The following SAMD12 variants were observed in gnomAD, a reference collection of about 807,000 sequenced individuals.
The protein encoded by SAMD12 is sterile alpha motif domain-containing protein 12.
SAMD12 carries 9 observed loss-of-function variants against 15.0 expected under a neutral mutation model. The observed-to-expected ratio is 0.60, with a 90% CI of 0.36 to 1.05. SAMD12 has a LOEUF of 1.05. SAMD12 is among the 50% of genes least tolerant of loss of function. The pLI is 0.01. For missense variants in SAMD12, 230 were observed against 234.2 expected (o/e 0.98, Z 0.12); for synonymous variants, 86 against 90.1 (o/e 0.96, Z 0.25).
At chr8:118,157,827 C>A in the SAMD12 span, among the ~76,000 whole-genome samples, 2 of 152,212 alleles carry the variant, frequency 1.3e-5, no homozygotes, top group African/African-American at 4.8e-5. Context: ...AACTTAAAAT[C>A]TCCTAAAACA....
chr8:118,284,340 A>G (rs1403410324), intron 4 of SAMD12: 3 of 456,280 alleles, frequency 6.6e-6, no homozygotes, highest in Non-Finnish European at 1.3e-5. Flanking sequence ...CTAACAATAT[A>G]ACAATATGCT....
chr8:118,206,769 TA>T (rs1315512697), intron 4 of SAMD12, among the ~76,000 whole-genome samples: 1 of 152,222 alleles, frequency 6.6e-6, no homozygotes, highest in Non-Finnish European at 1.5e-5. Context: ...TCTGATTCAG[TA>T]GATCTGGGAT....
chr8:118,332,107 G>A (rs1236557907), intron 4 of SAMD12, among the ~76,000 whole-genome samples: 1 of 152,106 alleles, frequency 6.6e-6, no homozygotes, highest in Non-Finnish European at 1.5e-5. Flanking sequence ...AAAAAAGGGG[G>A]ACAAAGGGAA....
intron 3 of SAMD12, among the ~76,000 whole-genome samples, chr8:118,411,570 C>T (rs575361123): frequency 6.6e-6 from 1 of 152,190 alleles, no homozygotes; most frequent in East Asian, 1.9e-4. Context: ...ATCTTAAGGG[C>T]ATTGTCCCAA....
intron 4 of SAMD12, among the ~76,000 whole-genome samples, chr8:118,257,627 T>C (rs190907835): frequency 1.3e-5 from 2 of 152,208 alleles, no homozygotes; most frequent in Admixed American, 6.5e-5. Context: ...TTAGCCTGCA[T>C]TCTGGGCCCA....
intron 4 of SAMD12, among the ~76,000 whole-genome samples, chr8:118,201,488 A>G (rs10955864): frequency 0.52 from 79,261 of 151,996 alleles, 21,941 homozygotes; most frequent in Non-Finnish European, 0.63. Flanking sequence ...CTTCAATTTA[A>G]TGTATCCATC....
chr8:118,135,220 C>T, the SAMD12 span, among the ~76,000 whole-genome samples: 5 of 152,158 alleles, frequency 3.3e-5, no homozygotes, highest in African/African-American at 1.2e-4. Context: ...CTTGCTCTAT[C>T]ACCCAGGCTA....
intron 4 of SAMD12, among the ~76,000 whole-genome samples, chr8:118,279,710 A>G (rs1813564128): frequency 6.6e-6 from 1 of 152,220 alleles, no homozygotes. Flanking sequence ...AGAGGAAATG[A>G]GTGAGAAGTC....
chr8:118,417,886 T>G (rs1283480154), intron 3 of SAMD12, among the ~76,000 whole-genome samples: 2 of 152,216 alleles, frequency 1.3e-5, no homozygotes, highest in African/African-American at 4.8e-5. Context: ...AGAATCTTAG[T>G]GTTAAAACAT....
intron 4 of SAMD12, among the ~76,000 whole-genome samples, chr8:118,288,546 A>G (rs1266070805): frequency 2.6e-5 from 4 of 152,270 alleles, no homozygotes; most frequent in African/African-American, 9.6e-5. Flanking sequence ...AACTACAATT[A>G]GTCCACAATA....
In SAMD12 at chr8:118,233,329, A is replaced by G. The variant is rs548020221; in HGVS notation, c.434-35597T>C. ...ATGTCCCACATGCAAGGCACTGACC[A>G]TGACAATTAGGTAGGTTTTTGGATA... On this transcript the variant is annotated intron_variant, in intron 4 of 4. Transcript: ENST00000409003. Among the ~76,000 whole-genome samples the G allele has an allele frequency of 2.6e-5, 4 of 152,292 alleles. No homozygotes were observed. In the South Asian group the frequency reaches 6.2e-4, roughly 24 times the overall value.
At chr8:118,347,526 G>T (rs76456768) in intron 4 of SAMD12, among the ~76,000 whole-genome samples, 2,093 of 152,300 alleles carry the variant, frequency 0.014, 28 homozygotes, top group Non-Finnish European at 0.021. Flanking sequence ...GGTGGGAAAA[G>T]TCTGGATACT....
chr8:118,186,272 G>T (rs1819241588), downstream of SAMD12, among the ~76,000 whole-genome samples: 1 of 152,278 alleles, frequency 6.6e-6, no homozygotes, highest in African/African-American at 2.4e-5. Flanking sequence ...TCCTTCCAGA[G>T]ATATTTTCAT....
chr8:118,208,211 T>A (rs1819921562), intron 4 of SAMD12, among the ~76,000 whole-genome samples: 1 of 152,102 alleles, frequency 6.6e-6, no homozygotes, highest in African/African-American at 2.4e-5. Context: ...GAGCCGAGAT[T>A]GTGCCATTGC....
At chr8:118,503,120 T>C (rs1405933398) in intron 2 of SAMD12, among the ~76,000 whole-genome samples, 1 of 152,204 alleles carries the variant, frequency 6.6e-6, no homozygotes, top group African/African-American at 2.4e-5. Context: ...TGGTGGCTTT[T>C]AATGATGAAA....
chr8:118,146,323 G>C, the SAMD12 span, among the ~76,000 whole-genome samples: 1 of 152,154 alleles, frequency 6.6e-6, no homozygotes, highest in African/African-American at 2.4e-5. Context: ...ATTGCAGGGA[G>C]GTGATAGCAA....
At chr8:118,550,999 C>A (rs1177556198) in intron 2 of SAMD12, among the ~76,000 whole-genome samples, 2 of 151,912 alleles carry the variant, frequency 1.3e-5, no homozygotes, top group South Asian at 4.2e-4. Flanking sequence ...TATATATGCA[C>A]CCAATACAGG....
intron 4 of SAMD12, among the ~76,000 whole-genome samples, chr8:118,345,453 A>C (rs1817587908): frequency 6.6e-6 from 1 of 152,234 alleles, no homozygotes; most frequent in Non-Finnish European, 1.5e-5. Context: ...TACTGATGAG[A>C]ATGCACAGGT....
At chr8:118,172,436 G>A in the SAMD12 span, among the ~76,000 whole-genome samples, 2 of 152,132 alleles carry the variant, frequency 1.3e-5, no homozygotes, top group African/African-American at 4.8e-5. Context: ...CTTTGGTCCT[G>A]CTTAACACTA....
Sources: allele counts gnomAD v4.1 joint callset (sites outside exome capture counted in the v4.1 genomes callset), GRCh38; gene constraint gnomAD v4.1.1; transcripts MANE v1.5; gene names NCBI Gene and HGNC (gene_info 2026-07-23, HGNC 2026-07-21).